PTPRK: variants seen among roughly 807,000 people sequenced by gnomAD.
PTPRK encodes receptor-type tyrosine-protein phosphatase kappa.
In PTPRK, 75 loss-of-function variants were observed where a neutral mutation model predicts 178.0. The ratio of observed to expected loss-of-function variants is 0.42; its 90% CI spans 0.35 to 0.51. PTPRK has a LOEUF of 0.51. Among genes scored for constraint, PTPRK ranks in the 20% least tolerant of loss-of-function variants. PTPRK has a pLI of 0.02. For synonymous variants in PTPRK, 637 were observed against 620.6 expected (o/e 1.03, Z -0.39); for missense variants, 1,441 against 1,797.8 (o/e 0.80, Z 3.59).
At chr6:128,481,902 G>A (rs1852133465) in intron 1 of PTPRK, among the ~76,000 whole-genome samples, 1 of 152,042 alleles carries the variant, frequency 6.6e-6, no homozygotes, top group African/African-American at 2.4e-5. Flanking sequence ...TACAAAGGCT[G>A]GCTAACTAAA....
intron 10 of PTPRK, among the ~76,000 whole-genome samples, chr6:128,081,090 T>C (rs954664926): frequency 6.6e-6 from 1 of 152,082 alleles, no homozygotes; most frequent in Non-Finnish European, 1.5e-5. Flanking sequence ...TGTTAGTTTA[T>C]ATAAATTTTG....
chr6:128,424,084 T>A (rs937818661), intron 1 of PTPRK, among the ~76,000 whole-genome samples: 3 of 143,330 alleles, frequency 2.1e-5, no homozygotes, highest in Admixed American at 6.8e-5. Context: ...AAAAAAAAAA[T>A]TAGCCAGGCA....
chr6:128,043,921 T>A (rs1463567410), intron 13 of PTPRK, among the ~76,000 whole-genome samples: 1 of 151,996 alleles, frequency 6.6e-6, no homozygotes, highest in Non-Finnish European at 1.5e-5. Context: ...TTTTTAATTT[T>A]AAAAATAGTT....
At chr6:128,448,087 C>T (rs1305655133) in intron 1 of PTPRK, among the ~76,000 whole-genome samples, 3 of 152,130 alleles carry the variant, frequency 2.0e-5, no homozygotes, top group East Asian at 1.9e-4. Context: ...CAGCCACCAG[C>T]CATGTTGGAT....
chr6:128,520,426 G>T lies in PTPRK; in HGVS notation c.-68C>A. ...CCGGGGGGATCGCCGCGAAATCCAC[G>T]ACGGAGGAGCGGGCCGGGCCTCGCG... On this transcript the variant is annotated 5_prime_UTR_variant, in exon 1 of 30. Coordinates refer to ENST00000368226, the MANE Select transcript of PTPRK (RefSeq NM_002844.4). 6.8e-7 allele frequency: 1 copy of T among 1,475,260 alleles called. No individual in the cohort carries two copies. Among genetic ancestry groups the T allele is most frequent in the South Asian group, 1.2e-5 (1 of 82,338 alleles). The allele number at this position is 1,475,260 out of a possible 1,614,324, so 91.4% of individuals were successfully genotyped here.
chr6:128,299,920 T>C (rs535286653), intron 3 of PTPRK, among the ~76,000 whole-genome samples: 1 of 151,956 alleles, frequency 6.6e-6, no homozygotes, highest in Non-Finnish European at 1.5e-5. Context: ...GAAACTACCA[T>C]CAGAGTGAAC....
chr6:128,344,280 T>C (rs1272137121), intron 2 of PTPRK, among the ~76,000 whole-genome samples: 1 of 152,138 alleles, frequency 6.6e-6, no homozygotes, highest in African/African-American at 2.4e-5. Context: ...CACTTAATAC[T>C]GCTCCCACTC....
At chr6:127,990,914 A>G in intron 20 of PTPRK, 29 bp from the exon 21 acceptor site, 12 of 1,293,264 alleles carry the variant, frequency 9.3e-6, no homozygotes, top group Non-Finnish European at 1.3e-5. Context: ...ATATAGACAG[A>G]CCTGAATATA....
chr6:128,245,953 T>C (rs1232161904), intron 3 of PTPRK, among the ~76,000 whole-genome samples: 1 of 152,172 alleles, frequency 6.6e-6, no homozygotes, highest in Non-Finnish European at 1.5e-5. Context: ...CTTTTAGAGC[T>C]AAGTCTTAAC....
chr6:128,018,993 G>T (rs1773033729), intron 13 of PTPRK, among the ~76,000 whole-genome samples: 1 of 152,114 alleles, frequency 6.6e-6, no homozygotes, highest in Non-Finnish European at 1.5e-5. Context: ...GTACTCAAAT[G>T]ACTGTACTTA....
At chr6:127,995,163 G>T (rs1474930685) in intron 18 of PTPRK, 2 of 1,298,430 alleles carry the variant, frequency 1.5e-6, no homozygotes, top group Non-Finnish European at 2.2e-6. Context: ...GAAATAACTA[G>T]TAGTAACAGA....
At chr6:128,114,343 C>T (rs552798287) in intron 7 of PTPRK, among the ~76,000 whole-genome samples, 1 of 151,998 alleles carries the variant, frequency 6.6e-6, no homozygotes, top group African/African-American at 2.4e-5. Flanking sequence ...CTTGGCCAGG[C>T]GTGGTGGCTC....
At chr6:128,341,490 G>A (rs1005031076) in intron 2 of PTPRK, among the ~76,000 whole-genome samples, 2 of 152,056 alleles carry the variant, frequency 1.3e-5, no homozygotes, top group Admixed American at 1.3e-4. Flanking sequence ...AAAATTATGT[G>A]TACACAGGCC....
intron 1 of PTPRK, among the ~76,000 whole-genome samples, chr6:128,434,335 G>T (rs539692633): frequency 6.6e-6 from 1 of 152,256 alleles, no homozygotes; most frequent in South Asian, 2.1e-4. Context: ...TTTCCTAAAT[G>T]AGTCTTTCTA....
At chr6:127,984,933 C>T (rs141577439) in intron 22 of PTPRK, among the ~76,000 whole-genome samples, 1 of 152,004 alleles carries the variant, frequency 6.6e-6, no homozygotes, top group South Asian at 2.1e-4. Context: ...TTTTTCCCCT[C>T]TTTTATACAT....
chr6:128,451,903 T>C (rs886977511), intron 1 of PTPRK, among the ~76,000 whole-genome samples: 2 of 152,178 alleles, frequency 1.3e-5, no homozygotes, highest in Non-Finnish European at 2.9e-5. Flanking sequence ...TTCAATAGAA[T>C]TTTTACCACA....
intron 3 of PTPRK, among the ~76,000 whole-genome samples, chr6:128,308,913 C>G (rs905695914): frequency 1.3e-5 from 2 of 152,062 alleles, no homozygotes; most frequent in African/African-American, 4.8e-5. Context: ...ACGTGGTGTA[C>G]ACCGGAGTAG....
At chr6:127,990,183 T>A (rs1776444280) in intron 21 of PTPRK, among the ~76,000 whole-genome samples, 1 of 152,116 alleles carries the variant, frequency 6.6e-6, no homozygotes, top group Non-Finnish European at 1.5e-5. Context: ...TCCAATTTTG[T>A]GATTTCTCTG....
At chr6:128,382,739 C>G (rs944371212) in intron 2 of PTPRK, among the ~76,000 whole-genome samples, 2 of 151,938 alleles carry the variant, frequency 1.3e-5, no homozygotes, top group Non-Finnish European at 2.9e-5. Context: ...CACACCCAGC[C>G]AAAAATTATA....
Sources: allele counts gnomAD v4.1 joint callset (sites outside exome capture counted in the v4.1 genomes callset), GRCh38; gene constraint gnomAD v4.1.1; transcripts MANE v1.5; gene names NCBI Gene and HGNC (gene_info 2026-07-23, HGNC 2026-07-21).